Variants in ANO2 observed in about 807,000 individuals in gnomAD.
ANO2 encodes the protein anoctamin 2.
ANO2 carries 101 observed loss-of-function variants against 124.2 expected under a neutral mutation model. The ratio of observed to expected loss-of-function variants is 0.81; its 90% CI spans 0.69 to 0.96. ANO2 has a LOEUF of 0.96. Ranked by LOEUF, ANO2 falls within the 40% of genes least tolerant of loss-of-function variation. ANO2 has a pLI of 0.00. For missense variants in ANO2, 1,293 were observed against 1,274.5 expected, an observed-to-expected ratio of 1.01 and a Z score of -0.22; for synonymous variants, 486 against 482.5, an observed-to-expected ratio of 1.01 and a Z score of -0.09.
chr12:5,645,265 T>C (rs997012630), intron 15 of ANO2, among the ~76,000 whole-genome samples: 1 of 152,212 alleles, frequency 6.6e-6, no homozygotes, highest in Admixed American at 6.5e-5. Context: ...CTTTGTCTAA[T>C]TTGTTGTTAA....
intron 16 of ANO2, among the ~76,000 whole-genome samples, chr12:5,618,752 A>G (rs575236602): frequency 6.6e-6 from 1 of 152,326 alleles, no homozygotes; most frequent in African/African-American, 2.4e-5. Context: ...GCTGTGTGTC[A>G]GGTGCCAGGC....
chr12:5,686,380 C>G (rs1416066452), intron 14 of ANO2, among the ~76,000 whole-genome samples: 4 of 152,124 alleles, frequency 2.6e-5, no homozygotes, highest in East Asian at 3.8e-4. Context: ...TCCTATATTC[C>G]TCTTTCCCTC....
At chr12:5,660,811 G>C (rs1947398936) in intron 14 of ANO2, among the ~76,000 whole-genome samples, 1 of 152,140 alleles carries the variant, frequency 6.6e-6, no homozygotes, top group African/African-American at 2.4e-5. Flanking sequence ...TTTTGGTGGT[G>C]CTCCATGCTC....
intron 3 of ANO2, among the ~76,000 whole-genome samples, chr12:5,864,047 C>A (rs1167384160): frequency 2.0e-5 from 3 of 152,110 alleles, no homozygotes; most frequent in Admixed American, 2.0e-4. Flanking sequence ...TGCCTTGGTA[C>A]TCAAAGCACA....
At chr12:5,641,087 A>T (rs1170368496) in intron 15 of ANO2, among the ~76,000 whole-genome samples, 1 of 152,188 alleles carries the variant, frequency 6.6e-6, no homozygotes, top group African/African-American at 2.4e-5. Context: ...ACACGGATGC[A>T]GCTGGAAACC....
At chr12:5,620,231 T>C (rs1476269302) in intron 16 of ANO2, among the ~76,000 whole-genome samples, 5 of 152,202 alleles carry the variant, frequency 3.3e-5, no homozygotes, top group Non-Finnish European at 5.9e-5. Context: ...AAGCTGTAGA[T>C]ACAGTAGTAA....
intron 14 of ANO2, among the ~76,000 whole-genome samples, chr12:5,662,549 C>G (rs1199351090): frequency 6.6e-6 from 1 of 152,196 alleles, no homozygotes; most frequent in Non-Finnish European, 1.5e-5. Context: ...TCAATCAGTT[C>G]TAGCCTCCAC....
At chr12:5,794,606 A>T (rs1229805530) in intron 10 of ANO2, among the ~76,000 whole-genome samples, 1 of 152,068 alleles carries the variant, frequency 6.6e-6, no homozygotes, top group Non-Finnish European at 1.5e-5. Flanking sequence ...AGCAGCAATT[A>T]CTCTTCAAAT....
intron 3 of ANO2, among the ~76,000 whole-genome samples, chr12:5,881,031 T>G (rs1001436105): frequency 6.6e-6 from 1 of 152,164 alleles, no homozygotes; most frequent in Non-Finnish European, 1.5e-5. Flanking sequence ...TGATGATTCT[T>G]TCCAGAACCA....
chr12:5,918,792 C>T (rs1427645379), intron 3 of ANO2, among the ~76,000 whole-genome samples: 1 of 152,196 alleles, frequency 6.6e-6, no homozygotes, highest in African/African-American at 2.4e-5. Flanking sequence ...CAAGCCTCAG[C>T]ATGACACCTT....
At chr12:5,685,056 T>C (rs1295242678) in intron 14 of ANO2, among the ~76,000 whole-genome samples, 1 of 152,194 alleles carries the variant, frequency 6.6e-6, no homozygotes, top group Non-Finnish European at 1.5e-5. Flanking sequence ...AGAGTTCTTT[T>C]TGTTCCAGAC....
intron 16 of ANO2, among the ~76,000 whole-genome samples, chr12:5,632,386 C>T (rs868061652): frequency 1.3e-5 from 2 of 151,806 alleles, no homozygotes; most frequent in Admixed American, 6.6e-5. Flanking sequence ...TAACACTGCC[C>T]TTGCTGGCCA....
Position 5,812,798 on chromosome 12 carries a change from GAA to G in ANO2, c.893-5432_893-5431del, listed in dbSNP as rs1953467282. Among the ~76,000 whole-genome samples the G allele has an allele frequency of 6.8e-5, 9 of 132,274 alleles. No individual in the cohort carries two copies. In the Admixed American group the frequency reaches 6.9e-4, roughly 10 times the overall value. 86.8% of individuals were successfully genotyped at this position (132,274 alleles called of 152,430 possible). On this transcript the variant is annotated intron_variant, in intron 7 of 24. Coordinates refer to ENST00000682330, the MANE Select transcript of ANO2 (RefSeq NM_001364791.2). ...AGTGAAAGAAAGAAAAAGAAAGAAA[GAA>G]AGGAAAAAAGGAAGGAAGGAAGGGA...
chr12:5,573,085 C>A (rs1942216664), intron 23 of ANO2, among the ~76,000 whole-genome samples: 1 of 152,178 alleles, frequency 6.6e-6, no homozygotes, highest in Non-Finnish European at 1.5e-5. Flanking sequence ...CAGTTCCTGG[C>A]AATCATACGG....
At chr12:5,594,709 A>C (rs919155109) in intron 20 of ANO2, among the ~76,000 whole-genome samples, 2 of 152,126 alleles carry the variant, frequency 1.3e-5, no homozygotes, top group Non-Finnish European at 2.9e-5. Flanking sequence ...TTGGCGGTGC[A>C]TGCCTGTAGT....
At chr12:5,650,691 T>C (rs1946875816) in intron 14 of ANO2, among the ~76,000 whole-genome samples, 1 of 152,184 alleles carries the variant, frequency 6.6e-6, no homozygotes, top group South Asian at 2.1e-4. Flanking sequence ...TGCTTAAAAA[T>C]CCTATAGCCA....
intron 10 of ANO2, 25 bp downstream of exon 10, chr12:5,799,481 TC>T: frequency 1.9e-6 from 3 of 1,602,690 alleles, no homozygotes; most frequent in Non-Finnish European, 2.6e-6. Context: ...CCAGGATACT[TC>T]CAAAAGTTCC....
chr12:5,656,213 C>A (rs1325257755), intron 14 of ANO2, among the ~76,000 whole-genome samples: 3 of 152,182 alleles, frequency 2.0e-5, no homozygotes, highest in African/African-American at 7.2e-5. Flanking sequence ...GACCACCCAC[C>A]TGTTGAGGAC....
At position 5,774,354 on chromosome 12, in the gene ANO2, C is replaced by A. The variant is rs1010656789; in HGVS notation, c.1056-23384G>T. ...TGGTGGCATGCACCTGCAGTCCCAG[C>A]TACTCAGAGGCTGAGGTGGGAGGAT... On this transcript the variant is annotated intron_variant, in intron 10 of 24. Transcript: ENST00000682330. 5.1e-4 allele frequency among the ~76,000 whole-genome samples: 78 copies of A among 152,156 alleles called. 2 individuals carry two copies. Among genetic ancestry groups the A allele is most frequent in the Admixed American group, 4.8e-3 (74 of 15,276 alleles).
Sources: gnomAD v4.1 joint callset for allele counts (sites outside exome capture counted in the v4.1 genomes callset) on GRCh38, gnomAD v4.1.1 for gene constraint, MANE v1.5 for transcripts, NCBI Gene and HGNC (gene_info 2026-07-23, HGNC 2026-07-21) for gene names.